CSMD2: variants seen among roughly 807,000 people sequenced by gnomAD.
CSMD2 encodes CUB and sushi domain-containing protein 2.
A neutral mutation model predicts 398.5 loss-of-function variants in CSMD2; 130 were observed. That is an observed-to-expected ratio of 0.33 (90% CI 0.28 to 0.38). The LOEUF (loss-of-function observed/expected upper bound fraction) is 0.38. CSMD2 is among the 10% of genes least tolerant of loss of function. The pLI is 1.00. For synonymous variants in CSMD2, 1,828 were observed against 1,908.5 expected (o/e 0.96, Z 1.10); for missense variants, 3,829 against 4,764.9 (o/e 0.80, Z 5.78).
At chr1:33,611,402 C>G in intron 40 of CSMD2, 152 bp from the exon 41 acceptor site, 1 of 661,716 alleles carries the variant, frequency 1.5e-6, no homozygotes, top group South Asian at 1.9e-5. Context: ...TGGGAATTGC[C>G]CGTCCAGCCA....
chr1:33,561,944 A>G (rs916435445), intron 53 of CSMD2, among the ~76,000 whole-genome samples: 1 of 152,196 alleles, frequency 6.6e-6, no homozygotes, highest in Non-Finnish European at 1.5e-5. Flanking sequence ...GAAATCACTC[A>G]TATAAAGAGA....
In CSMD2 at chr1:33,724,102, T is replaced by C. The variant is rs1646445752; in HGVS notation, c.3001+95A>G. ...TTCAGACGAAGCCCAGAGGTCACTA[T>C]CTAGGGAGATCCCCATTGAGGTCAA... On this transcript the variant is annotated intron_variant, in intron 19 of 70. Transcript: ENST00000373381. The C allele has an allele frequency of 9.6e-6, 8 of 829,418 alleles. No individual in the cohort carries two copies. The South Asian group carries it at 1.2e-4, about 12-fold the overall frequency. 51.4% of individuals were successfully genotyped at this position (829,418 alleles called of 1,614,324 possible).
rs1641963008 is a variant in CSMD2, at chr1:33,624,375, G to T, written c.5625+144C>A. 4 of 983,014 alleles carry T rather than the reference G, an allele frequency of 4.1e-6. No homozygotes were observed. The Admixed American group carries it at 7.6e-5, about 19-fold the overall frequency. 60.9% of individuals were successfully genotyped at this position (983,014 alleles called of 1,614,324 possible). On this transcript the variant is annotated intron_variant, in intron 35 of 70. Transcript: ENST00000373381. The surrounding 1 kb of genome is among the most constrained non-coding windows in gnomAD (Gnocchi z 4.7). ...TTGGACTGAGCCTCCTTAGCCGCAG[G>T]GGCAGGTACAGGGCTGATATGTCTC... is the stretch of plus-strand genomic sequence containing the variant.
intron 19 of CSMD2, among the ~76,000 whole-genome samples, chr1:33,718,869 G>C (rs1646261180): frequency 6.6e-6 from 1 of 152,220 alleles, no homozygotes; most frequent in African/African-American, 2.4e-5. Flanking sequence ...GGCTTCTATA[G>C]ATAGAGGTGG....
chr1:34,056,542 T>G (rs377584370), intron 2 of CSMD2, among the ~76,000 whole-genome samples: 1 of 152,240 alleles, frequency 6.6e-6, no homozygotes, highest in South Asian at 2.1e-4. Context: ...CTTTAACATG[T>G]CTGTGCTCCA....
At chr1:33,969,295 A>G (rs1645670063) in intron 3 of CSMD2, among the ~76,000 whole-genome samples, 1 of 152,252 alleles carries the variant, frequency 6.6e-6, no homozygotes, top group Admixed American at 6.5e-5. Context: ...ATAGTAATAT[A>G]TTGAACAGAT....
intron 13 of CSMD2, among the ~76,000 whole-genome samples, chr1:33,766,259 A>C (rs914105886): frequency 2.6e-5 from 4 of 152,144 alleles, no homozygotes; most frequent in African/African-American, 9.7e-5. Context: ...GCCCAAACCC[A>C]GTGGCTTCTC....
At chr1:33,839,260 C>G (rs969822267) in intron 6 of CSMD2, 2 of 152,186 alleles carry the variant, frequency 1.3e-5, no homozygotes, top group Non-Finnish European at 2.9e-5. Context: ...CTTAAAATTG[C>G]CAATGTCCAC....
intron 6 of CSMD2, among the ~76,000 whole-genome samples, chr1:33,842,055 A>G (rs1343749485): frequency 6.6e-6 from 1 of 152,106 alleles, no homozygotes; most frequent in Non-Finnish European, 1.5e-5. Context: ...AACATTACCC[A>G]GAATCAATGT....
At chr1:34,069,214 G>A (rs1655445848) in intron 2 of CSMD2, among the ~76,000 whole-genome samples, 2 of 152,094 alleles carry the variant, frequency 1.3e-5, no homozygotes, top group Admixed American at 1.3e-4. Context: ...AATATACAGG[G>A]TATTCAACTA....
chr1:34,158,853 A>G (rs1230819754), intron 1 of CSMD2, among the ~76,000 whole-genome samples: 1 of 152,158 alleles, frequency 6.6e-6, no homozygotes, highest in East Asian at 1.9e-4. Flanking sequence ...AGTATCTTCA[A>G]ATACAATATT....
At chr1:33,701,263 A>T (rs1032530714) in intron 22 of CSMD2, among the ~76,000 whole-genome samples, 5 of 152,156 alleles carry the variant, frequency 3.3e-5, no homozygotes, top group African/African-American at 9.7e-5. Context: ...CTTCCCTCCT[A>T]AAATGAGGGC....
intron 4 of CSMD2, among the ~76,000 whole-genome samples, chr1:33,926,163 AG>A (rs1644121043): frequency 2.0e-5 from 3 of 152,218 alleles, no homozygotes; most frequent in African/African-American, 7.2e-5. Context: ...CCTAGCACCT[AG>A]CAGATTTCCT....
At chr1:33,732,046 T>C (rs1008062984) in intron 15 of CSMD2, among the ~76,000 whole-genome samples, 1 of 152,182 alleles carries the variant, frequency 6.6e-6, no homozygotes, top group African/African-American at 2.4e-5. Flanking sequence ...TCTGTTTTGG[T>C]ATATGTTTGA....
chr1:33,926,390 T>A (rs900387019), intron 4 of CSMD2, among the ~76,000 whole-genome samples: 3 of 152,150 alleles, frequency 2.0e-5, no homozygotes, highest in Non-Finnish European at 1.5e-5. Context: ...ACTTCCCAAC[T>A]GTAGGCAATG....
intron 13 of CSMD2, among the ~76,000 whole-genome samples, chr1:33,752,118 T>C (rs1648332305): frequency 6.6e-6 from 1 of 152,188 alleles, no homozygotes; most frequent in Admixed American, 6.5e-5. Flanking sequence ...AAACAGTGGA[T>C]TGCAACCCGT....
chr1:33,918,306 G>A lies in CSMD2; in HGVS notation c.713-5C>T, dbSNP rs1320342364. 3.1e-6 allele frequency: 5 copies of A among 1,613,264 alleles called. No individual in the cohort carries two copies. Among genetic ancestry groups the A allele is most frequent in the Non-Finnish European group, 4.2e-6 (5 of 1,179,838 alleles). On this transcript the variant is annotated splice_polypyrimidine_tract_variant and splice_region_variant and intron_variant, in intron 4 of 70. Coordinates refer to ENST00000373381, the MANE Select transcript of CSMD2 (RefSeq NM_001281956.2). ...TCCCACCACAGGCATCATCAGCTGT[G>A]GGCACAGAGAGAAGAGGCTTACATG...
intron 29 of CSMD2, among the ~76,000 whole-genome samples, chr1:33,641,268 T>C (rs1643093770): frequency 6.6e-6 from 1 of 152,204 alleles, no homozygotes; most frequent in African/African-American, 2.4e-5. Context: ...CCTGCTGTAT[T>C]CTCAACACCC....
In CSMD2 at chr1:33,950,563, T is replaced by C. The variant is rs530429965; in HGVS notation, c.518-14609A>G. ...GGGACATGGCATGTGGGTATTCAGG[T>C]AGGAGAGCCTGTTGAGGATGGGCAT... is the stretch of plus-strand genomic sequence containing the variant. On this transcript the variant is annotated intron_variant, in intron 3 of 70. Coordinates refer to ENST00000373381, the MANE Select transcript of CSMD2 (RefSeq NM_001281956.2). Among the ~76,000 whole-genome samples, 747 of 150,592 alleles carry C rather than the reference T, an allele frequency of 5.0e-3. 7 individuals carry two copies. The highest frequency in any genetic ancestry group is 0.018 in the African/African-American group (710 of 40,424).
Sources: allele counts gnomAD v4.1 joint callset (sites outside exome capture counted in the v4.1 genomes callset), GRCh38; gene constraint gnomAD v4.1.1; non-coding constraint Gnocchi (gnomAD v3.1); transcripts MANE v1.5; gene names NCBI Gene and HGNC (gene_info 2026-07-23, HGNC 2026-07-21).